The following RPH3A variants were observed in gnomAD, a reference collection of about 807,000 sequenced individuals.
RPH3A encodes the protein rabphilin-3A.
Under a neutral mutation model 102.2 loss-of-function variants are expected in RPH3A, and 48 were observed. That is an observed-to-expected ratio of 0.47 (90% confidence interval 0.37 to 0.60). The LOEUF is 0.60. RPH3A is among the 20% of genes least tolerant of loss of function. The probability of loss-of-function intolerance (pLI) is 0.00; values close to 1 mark genes in which losing one functional copy is unlikely to be tolerated. For synonymous variants in RPH3A, 310 were observed against 324.3 expected (o/e 0.96, Z 0.47); for missense variants, 781 against 910.1 (o/e 0.86, Z 1.83).
intron 4 of RPH3A, among the ~76,000 whole-genome samples, chr12:112,840,257 T>C (rs545679223): frequency 2.0e-5 from 3 of 152,302 alleles, no homozygotes; most frequent in South Asian, 4.1e-4. Context: ...CTATATACAA[T>C]GTGGAATAAT....
In RPH3A at chr12:112,896,505, C is replaced by CAACGTTAT. The variant is rs1191330794; in HGVS notation, c.1955-141_1955-134dup. 5 of 877,996 alleles carry CAACGTTAT rather than the reference C, an allele frequency of 5.7e-6. No homozygotes were observed. In the East Asian group the frequency reaches 9.8e-5, roughly 17 times the overall value. The allele number at this position is 877,996 out of a possible 1,614,324, so 54.4% of individuals were successfully genotyped here. ...GTAATAATAATAACAACAACAGCAG[C>CAACGTTAT]AACGTTATAACAACTCTCTATAGAG... is the stretch of plus-strand genomic sequence containing the variant. On this transcript the variant is annotated intron_variant, in intron 21 of 21. Coordinates refer to ENST00000389385, the MANE Select transcript of RPH3A (RefSeq NM_001143854.2).
At chr12:112,713,002 T>G (rs1432831209) in intron 1 of RPH3A, among the ~76,000 whole-genome samples, 3 of 87,392 alleles carry the variant, frequency 3.4e-5, no homozygotes, top group African/African-American at 1.5e-4. Flanking sequence ...TGTCTTCCTC[T>G]TCCTCTTCCT....
chr12:112,800,054 C>G (rs992648412), intron 2 of RPH3A, among the ~76,000 whole-genome samples: 4 of 152,202 alleles, frequency 2.6e-5, no homozygotes, highest in Non-Finnish European at 4.4e-5. Flanking sequence ...TCCCTGCCCC[C>G]TGAAGCCGAC....
intron 1 of RPH3A, among the ~76,000 whole-genome samples, chr12:112,648,570 C>CAAAAAAAAAAAAAA (rs1167121829): frequency 0.074 from 818 of 11,042 alleles, 375 homozygotes; most frequent in Non-Finnish European, 0.08. Context: ...CCCATCTCTA[C>CAAAAAAAAAAAAAA]AAAAAAAAAA....
At chr12:112,839,863 C>A (rs936584600) in intron 4 of RPH3A, among the ~76,000 whole-genome samples, 1 of 152,152 alleles carries the variant, frequency 6.6e-6, no homozygotes, top group African/African-American at 2.4e-5. Context: ...GTGGTGCATG[C>A]CTGTAGTCCC....
intron 1 of RPH3A, among the ~76,000 whole-genome samples, chr12:112,589,988 C>G (rs1463437610): frequency 6.6e-6 from 1 of 151,164 alleles, no homozygotes; most frequent in African/African-American, 2.4e-5. Context: ...GAGGCTGAGG[C>G]AGGAGGATCG....
intron 1 of RPH3A, among the ~76,000 whole-genome samples, chr12:112,713,605 T>A (rs999260210): frequency 6.6e-5 from 10 of 151,950 alleles, no homozygotes; most frequent in Non-Finnish European, 1.5e-4. Context: ...TGGAGCTGTG[T>A]GGCTGTTTTG....
At chr12:112,615,790 A>G (rs2039674699) in intron 1 of RPH3A, among the ~76,000 whole-genome samples, 2 of 152,166 alleles carry the variant, frequency 1.3e-5, no homozygotes, top group Non-Finnish European at 2.9e-5. Flanking sequence ...TGGTGGGGTG[A>G]GCTGTGGAGT....
intron 1 of RPH3A, among the ~76,000 whole-genome samples, chr12:112,757,249 G>C (rs1178622895): frequency 6.6e-6 from 1 of 152,188 alleles, no homozygotes; most frequent in Non-Finnish European, 1.5e-5. Context: ...CGCGTTCTTT[G>C]ATAAAAAGCC....
chr12:112,604,515 T>C (rs1233868094), intron 1 of RPH3A, among the ~76,000 whole-genome samples: 1 of 152,192 alleles, frequency 6.6e-6, no homozygotes, highest in Non-Finnish European at 1.5e-5. Context: ...ATCCTCACTT[T>C]TTATTCCCAT....
intron 2 of RPH3A, among the ~76,000 whole-genome samples, chr12:112,814,622 G>A (rs558144163): frequency 6.6e-6 from 1 of 152,262 alleles, no homozygotes; most frequent in African/African-American, 2.4e-5. Context: ...TAAGACTGCA[G>A]GTATTAAAGG....
At chr12:112,816,166 C>A (rs998312913) in intron 2 of RPH3A, among the ~76,000 whole-genome samples, 2 of 152,176 alleles carry the variant, frequency 1.3e-5, no homozygotes. Context: ...TTCAAATGCA[C>A]GCTCTGTTGT....
At chr12:112,664,701 TC>T (rs2040072478) in intron 1 of RPH3A, among the ~76,000 whole-genome samples, 1 of 151,660 alleles carries the variant, frequency 6.6e-6, no homozygotes, top group Non-Finnish European at 1.5e-5. Context: ...GCAAGAGAGG[TC>T]ATCCGCTGGT....
intron 1 of RPH3A, among the ~76,000 whole-genome samples, chr12:112,748,746 C>T (rs930981848): frequency 6.6e-6 from 1 of 152,142 alleles, no homozygotes; most frequent in Non-Finnish European, 1.5e-5. Context: ...GGGACCACTG[C>T]CATTGACCCT....
intron 1 of RPH3A, among the ~76,000 whole-genome samples, chr12:112,596,852 C>T (rs2039520733): frequency 6.6e-6 from 1 of 152,290 alleles, no homozygotes; most frequent in Admixed American, 6.5e-5. Context: ...GGTCACGGGA[C>T]ATTTCTCCAT....
chr12:112,738,004 G>A (rs1271661539), intron 1 of RPH3A, among the ~76,000 whole-genome samples: 1 of 152,150 alleles, frequency 6.6e-6, no homozygotes, highest in Non-Finnish European at 1.5e-5. Context: ...GCAGCAGTGA[G>A]GGCTGTGCTC....
chr12:112,869,317 T>A (rs1194186177), intron 8 of RPH3A: 1 of 164,218 alleles, frequency 6.1e-6, no homozygotes, highest in Non-Finnish European at 1.3e-5. Flanking sequence ...GCGTTTTTCA[T>A]AAGATAACTT....
intron 2 of RPH3A, among the ~76,000 whole-genome samples, chr12:112,820,969 T>C (rs1198701450): frequency 5.3e-5 from 8 of 152,206 alleles, no homozygotes; most frequent in African/African-American, 1.7e-4. Context: ...ACCAACCAGA[T>C]TGGCATGGAA....
At chr12:112,611,486 G>A (rs559431562) in intron 1 of RPH3A, among the ~76,000 whole-genome samples, 8 of 151,358 alleles carry the variant, frequency 5.3e-5, no homozygotes, top group African/African-American at 1.2e-4. Flanking sequence ...TTTTTTTTTC[G>A]GGAGTACAAT....
Sources: gnomAD v4.1 joint callset for allele counts (sites outside exome capture counted in the v4.1 genomes callset) on GRCh38, gnomAD v4.1.1 for gene constraint, MANE v1.5 for transcripts, NCBI Gene and HGNC (gene_info 2026-07-23, HGNC 2026-07-21) for gene names.